MEGF10: variants seen among roughly 807,000 people sequenced by gnomAD.
MEGF10 encodes the protein multiple epidermal growth factor-like domains protein 10.
A neutral mutation model predicts 147.5 loss-of-function variants in MEGF10; 86 were observed. The ratio of observed to expected loss-of-function variants is 0.58; its 90% CI spans 0.49 to 0.70. The LOEUF is 0.70. MEGF10 is among the 30% of genes least tolerant of loss of function. The probability of loss-of-function intolerance (pLI) is 0.00; values close to 1 mark genes in which losing one functional copy is unlikely to be tolerated. For missense variants in MEGF10, 1,329 were observed against 1,487.3 expected (o/e 0.89, Z 1.75); for synonymous variants, 478 against 525.5 (o/e 0.91, Z 1.24).
intron 9 of MEGF10, among the ~76,000 whole-genome samples, chr5:127,413,466 G>T (rs1764646894): frequency 1.3e-5 from 2 of 152,142 alleles, no homozygotes; most frequent in South Asian, 4.1e-4. Flanking sequence ...TGAATAAAAA[G>T]AAGTTCAATG....
chr5:127,325,245 C>T (rs1269508113), intron 1 of MEGF10, among the ~76,000 whole-genome samples: 5 of 152,156 alleles, frequency 3.3e-5, no homozygotes, highest in Non-Finnish European at 7.4e-5. Flanking sequence ...TCTAAACGGA[C>T]TCATTTGGCA....
At position 127,449,099 on chromosome 5, in the gene MEGF10, T is replaced by C. The variant is rs1054387133; in HGVS notation, c.2857T>C (p.Ser953Pro). 1 of 1,614,014 alleles carries C rather than the reference T, an allele frequency of 6.2e-7. No homozygotes were observed. The highest frequency in any genetic ancestry group is 1.3e-5 in the African/African-American group (1 of 75,022). ...NNRDRMTVTK[S>P]KNNQLFVNLK... ...CTTTCGTTGTTTATATTTTTAACAGTCAAAAAACAATCAACTGTTTGTGAA... is the reference window on the plus strand; with the variant it reads ...CTTTCGTTGTTTATATTTTTAACAGCCAAAAAACAATCAACTGTTTGTGAA... Residue 953 changes from serine (S) to proline (P), a missense_variant and splice_region_variant, in exon 22 of 25, where the codon TCA becomes CCA. Transcript: ENST00000503335.
At chr5:127,316,983 G>T (rs1760574313) in intron 1 of MEGF10, among the ~76,000 whole-genome samples, 1 of 152,080 alleles carries the variant, frequency 6.6e-6, no homozygotes. Context: ...GGAACAGCAT[G>T]GGCGAAGACA....
chr5:127,246,938 T>TAGTA, the MEGF10 span, among the ~76,000 whole-genome samples: 8 of 111,216 alleles, frequency 7.2e-5, no homozygotes, highest in South Asian at 2.8e-4. Context: ...TAATATATGA[T>TAGTA]TATATTATAT....
At chr5:127,263,762 A>G in the MEGF10 span, among the ~76,000 whole-genome samples, 1 of 152,136 alleles carries the variant, frequency 6.6e-6, no homozygotes. Context: ...AGTTAATTAT[A>G]TTCTGTTCGA....
Position 127,307,047 on chromosome 5 carries a change from T to G in MEGF10, c.-19+15991T>G, listed in dbSNP as rs115888127. On this transcript the variant is annotated intron_variant, in intron 1 of 24. Coordinates refer to ENST00000503335, the MANE Select transcript of MEGF10 (RefSeq NM_001256545.2). ...ATCCATGAAAATGTTTGTTTTATTT[T>G]GCTTTGGCATGGCCTTGAATGAAAC... Among the ~76,000 whole-genome samples, 1,004 of 152,332 alleles carry G rather than the reference T, an allele frequency of 6.6e-3. 13 individuals are homozygous for G. Among genetic ancestry groups the G allele is most frequent in the African/African-American group, 0.023 (968 of 41,574 alleles).
At chr5:127,337,471 A>T (rs1337661080) in intron 2 of MEGF10, among the ~76,000 whole-genome samples, 1 of 152,100 alleles carries the variant, frequency 6.6e-6, no homozygotes, top group African/African-American at 2.4e-5. Flanking sequence ...AAATATTGGT[A>T]AGGAAGTCTT....
chr5:127,289,728 T>C (rs1354289972), upstream of MEGF10, among the ~76,000 whole-genome samples: 1 of 152,238 alleles, frequency 6.6e-6, no homozygotes, highest in African/African-American at 2.4e-5. Context: ...TCTGTACTAT[T>C]TTCCAGGAGC....
intron 5 of MEGF10, among the ~76,000 whole-genome samples, chr5:127,380,232 G>A (rs750991458): frequency 2.1e-4 from 32 of 152,124 alleles, no homozygotes; most frequent in South Asian, 2.1e-4. Flanking sequence ...GAATGAAGGC[G>A]TAAATGTGCC....
the MEGF10 span, among the ~76,000 whole-genome samples, chr5:127,237,464 C>T: frequency 6.6e-6 from 1 of 152,062 alleles, no homozygotes; most frequent in African/African-American, 2.4e-5. Flanking sequence ...TGCACTCCAG[C>T]CTGGGCAACA....
In MEGF10 at chr5:127,331,319, C is replaced by A. The variant is rs757092761; in HGVS notation, c.11C>A (p.Ser4Tyr). 6.2e-7 allele frequency: 1 copy of A among 1,605,682 alleles called. No individual in the cohort carries two copies. The highest frequency in any genetic ancestry group is 8.5e-7 in the Non-Finnish European group (1 of 1,173,892). MVI[S>Y]LNSCLSFICL... ...GTTCTTCAGAAAAAAATGGTTATTT[C>A]TTTGAACTCATGCCTGAGCTTTATT... is the stretch of plus-strand genomic sequence containing the variant. The change falls in exon 2 of 25, where the codon TCT becomes TAT. Residue 4 changes from serine (S) to tyrosine (Y), a missense_variant. By Grantham distance (144) the Ser-to-Tyr change is moderately radical. This residue lies in a region of MEGF10 where 980 missense variants were observed against 1,085.9 expected (regional missense o/e 0.90). Transcript: ENST00000503335.
the MEGF10 span, among the ~76,000 whole-genome samples, chr5:127,272,875 C>T: frequency 2.6e-5 from 4 of 152,198 alleles, no homozygotes; most frequent in Non-Finnish European, 4.4e-5. Context: ...CATCTGCAAA[C>T]GGAGATAGTT....
the MEGF10 span, among the ~76,000 whole-genome samples, chr5:127,271,259 G>A: frequency 6.6e-6 from 1 of 152,160 alleles, no homozygotes; most frequent in African/African-American, 2.4e-5. Flanking sequence ...ATTCTGACTG[G>A]TGTGAGATGG....
chr5:127,293,595 C>T (rs147312287), intron 1 of MEGF10, among the ~76,000 whole-genome samples: 127 of 152,324 alleles, frequency 8.3e-4, no homozygotes, highest in African/African-American at 2.9e-3. Flanking sequence ...GTCACATGCT[C>T]ATTTAGCAGC....
chr5:127,354,141 T>C (rs1274548082), intron 4 of MEGF10, among the ~76,000 whole-genome samples: 1 of 152,172 alleles, frequency 6.6e-6, no homozygotes, highest in African/African-American at 2.4e-5. Flanking sequence ...GAGCTGGAAC[T>C]GTGGTTGGTG....
intron 3 of MEGF10, among the ~76,000 whole-genome samples, chr5:127,339,950 T>C (rs1761617527): frequency 1.3e-5 from 2 of 152,212 alleles, no homozygotes; most frequent in South Asian, 4.1e-4. Context: ...TCTAATCATT[T>C]GTTTAATGCA....
the MEGF10 span, among the ~76,000 whole-genome samples, chr5:127,243,851 C>G: frequency 6.6e-6 from 1 of 152,014 alleles, no homozygotes; most frequent in Non-Finnish European, 1.5e-5. Flanking sequence ...AATCACCAGT[C>G]AAAATCTAGA....
the MEGF10 span, among the ~76,000 whole-genome samples, chr5:127,254,253 C>T: frequency 6.6e-4 from 100 of 152,212 alleles, no homozygotes; most frequent in Non-Finnish European, 1.2e-3. Flanking sequence ...TCTCCGTCCC[C>T]CAACTCAAAT....
chr5:127,363,073 C>T (rs1339348582), intron 4 of MEGF10, among the ~76,000 whole-genome samples: 1 of 152,118 alleles, frequency 6.6e-6, no homozygotes, highest in Non-Finnish European at 1.5e-5. Context: ...CCCCTCATAT[C>T]TTTTGGTCAT....
Sources: allele counts gnomAD v4.1 joint callset (sites outside exome capture counted in the v4.1 genomes callset), GRCh38; gene constraint gnomAD v4.1.1; regional missense constraint gnomAD v4.1.1; transcripts MANE v1.5; gene names NCBI Gene and HGNC (gene_info 2026-07-23, HGNC 2026-07-21).